The following MYZAP variants were observed in gnomAD, a reference collection of about 807,000 sequenced individuals.
The protein encoded by MYZAP is GRINL1A complex locus upstream.
A neutral mutation model predicts 69.4 loss-of-function variants in MYZAP; 66 were observed. That is an observed-to-expected ratio of 0.95 (90% confidence interval 0.78 to 1.17). MYZAP has a LOEUF of 1.17. MYZAP is among the 50% of genes most tolerant of loss of function. The probability of loss-of-function intolerance (pLI) is 0.00; values close to 1 mark genes in which losing one functional copy is unlikely to be tolerated. For missense variants in MYZAP, 611 were observed against 556.2 expected, an observed-to-expected ratio of 1.10 and a Z score of -0.99; for synonymous variants, 256 against 205.9, an observed-to-expected ratio of 1.24 and a Z score of -2.09.
At chr15:57,607,290 G>A (rs532313062) in intron 2 of MYZAP, among the ~76,000 whole-genome samples, 1 of 152,266 alleles carries the variant, frequency 6.6e-6, no homozygotes, top group Admixed American at 6.5e-5. Flanking sequence ...AACTGGGGTG[G>A]TAGGGGCTGG....
intron 2 of MYZAP, among the ~76,000 whole-genome samples, chr15:57,616,953 T>C (rs1324050425): frequency 3.3e-5 from 5 of 150,580 alleles, no homozygotes; most frequent in African/African-American, 1.2e-4. Context: ...ATTGTCGAGG[T>C]ACCTGGGTCA....
At chr15:57,595,061 A>T (rs1349057935) in intron 1 of MYZAP, among the ~76,000 whole-genome samples, 1 of 152,208 alleles carries the variant, frequency 6.6e-6, no homozygotes, top group Non-Finnish European at 1.5e-5. Flanking sequence ...GTGACAGCTG[A>T]CACTGAGCAG....
At chr15:57,630,222 C>G (rs1425244914) in intron 6 of MYZAP, among the ~76,000 whole-genome samples, 4 of 152,206 alleles carry the variant, frequency 2.6e-5, no homozygotes, top group African/African-American at 9.6e-5. Context: ...CCTGCCTTGG[C>G]CTCCCAAAGT....
intron 2 of MYZAP, among the ~76,000 whole-genome samples, chr15:57,611,551 C>T (rs74365336): frequency 0.08 from 12,145 of 152,054 alleles, 579 homozygotes; most frequent in Admixed American, 0.13. Context: ...TGTGCACTAG[C>T]GGTACGCTAG....
At chr15:57,629,970 G>GTTTT (rs1567216271) in intron 6 of MYZAP, 116 bp downstream of exon 6, 9 of 863,520 alleles carry the variant, frequency 1.0e-5, no homozygotes, top group African/African-American at 2.8e-5. Flanking sequence ...TTCTTCATTG[G>GTTTT]ATTTTTTTTT....
chr15:57,683,671 G>T (rs1465439641), intron 12 of MYZAP, among the ~76,000 whole-genome samples: 2 of 152,158 alleles, frequency 1.3e-5, no homozygotes, highest in East Asian at 3.9e-4. Flanking sequence ...TGAAGGCTGG[G>T]ATGTCTAAGA....
intron 3 of MYZAP, among the ~76,000 whole-genome samples, chr15:57,620,598 C>G (rs2035745601): frequency 6.6e-6 from 1 of 152,342 alleles, no homozygotes; most frequent in African/African-American, 2.4e-5. Context: ...TTTGTGTAAA[C>G]AAGTGTTTTT....
intron 4 of MYZAP, 75 bp from the exon 5 acceptor site, chr15:57,625,704 A>G: frequency 1.4e-6 from 2 of 1,381,980 alleles, no homozygotes; most frequent in African/African-American, 1.4e-5. Context: ...AACAGAAGAA[A>G]GTTCCAGCCT....
In MYZAP at chr15:57,616,839, T is replaced by TTTTTTTTTTTTC. The variant is rs1448918349; in HGVS notation, c.163-1186_163-1185insTTTCTTTTTTTT. On this transcript the variant is annotated intron_variant, in intron 2 of 12. Coordinates refer to ENST00000267853, the MANE Select transcript of MYZAP (RefSeq NM_001018100.5). ...AAAAAGTGCTTTTTTTTTTTTTTTT[T>TTTTTTTTTTTTC]TTTTTTTTGTGAATACATGGCAAGA... is the stretch of plus-strand genomic sequence containing the variant. Among the ~76,000 whole-genome samples the TTTTTTTTTTTTC allele has an allele frequency of 2.9e-5, 4 of 140,264 alleles. 1 individual carries two copies. Among genetic ancestry groups the TTTTTTTTTTTTC allele is most frequent in the African/African-American group, 1.1e-4 (4 of 36,704 alleles). The allele number at this position is 140,264 out of a possible 152,430, so 92.0% of individuals were successfully genotyped here.
intron 1 of MYZAP, among the ~76,000 whole-genome samples, chr15:57,601,059 G>C (rs112678312): frequency 0.019 from 2,836 of 152,232 alleles, 90 homozygotes; most frequent in African/African-American, 0.061. Flanking sequence ...CTGGGCGACA[G>C]AGCAAGACCC....
chr15:57,652,540 T>G (rs1308473221), intron 10 of MYZAP, among the ~76,000 whole-genome samples: 2 of 152,226 alleles, frequency 1.3e-5, no homozygotes, highest in African/African-American at 4.8e-5. Context: ...TAAAACACTT[T>G]TTCTGAGGAA....
chr15:57,592,245 C>G (rs1389311909), intron 1 of MYZAP, 136 bp downstream of exon 1: 3 of 788,154 alleles, frequency 3.8e-6, no homozygotes, highest in African/African-American at 3.6e-5. Context: ...ACTCCCCGGT[C>G]CTGTGCCGGC....
chr15:57,596,432 A>G (rs917178224), intron 1 of MYZAP, among the ~76,000 whole-genome samples: 1 of 152,214 alleles, frequency 6.6e-6, no homozygotes, highest in Non-Finnish European at 1.5e-5. Flanking sequence ...GATACTTCTC[A>G]GCACTCATCA....
At chr15:57,633,580 G>A (rs758679982) in intron 7 of MYZAP, 33 bp from the exon 8 acceptor site, 7 of 1,599,688 alleles carry the variant, frequency 4.4e-6, no homozygotes, top group Admixed American at 1.7e-5. Flanking sequence ...GGTACTCCAT[G>A]CCTGTACTTA....
chr15:57,684,770 C>G lies in MYZAP; in HGVS notation c.*272C>G. Reference sequence around the variant, plus strand: ...TTGTTTTCTTTGTAGACACTGAAATCCTATCAGGAGGATTCCTTCACAATG... The same window carrying G: ...TTGTTTTCTTTGTAGACACTGAAATGCTATCAGGAGGATTCCTTCACAATG... On this transcript the variant is annotated 3_prime_UTR_variant, in exon 13 of 13. Coordinates refer to ENST00000267853, the MANE Select transcript of MYZAP (RefSeq NM_001018100.5). The G allele has an allele frequency of 3.6e-6, 1 of 277,980 alleles. No homozygotes were observed. Among genetic ancestry groups the G allele is most frequent in the Non-Finnish European group, 6.7e-6 (1 of 150,240 alleles). 17.2% of individuals were successfully genotyped at this position (277,980 alleles called of 1,614,324 possible).
rs537378113 is a variant in MYZAP at position 57,625,055 on chromosome 15, C to CTTT, written c.412-711_412-709dup. Among the ~76,000 whole-genome samples the CTTT allele has an allele frequency of 9.5e-4, 137 of 143,602 alleles. 1 individual carries two copies. The highest frequency in any genetic ancestry group is 2.8e-3 in the African/African-American group (108 of 38,974). 94.2% of individuals were successfully genotyped at this position (143,602 alleles called of 152,430 possible). ...CAACAACAGCAGCAACAAAACAACT[C>CTTT]TTTTTTTTTTTTTTTAAATGAGACG... On this transcript the variant is annotated intron_variant, in intron 4 of 12. Coordinates refer to ENST00000267853, the MANE Select transcript of MYZAP (RefSeq NM_001018100.5).
intron 9 of MYZAP, 59 bp from the exon 10 acceptor site, chr15:57,639,381 C>G: frequency 4.5e-6 from 7 of 1,558,482 alleles, no homozygotes; most frequent in Non-Finnish European, 2.6e-6. Flanking sequence ...GTGACTGTTG[C>G]TACTGCTGTT....
At chr15:57,593,213 C>CAG (rs2033832055) in intron 1 of MYZAP, among the ~76,000 whole-genome samples, 3 of 150,926 alleles carry the variant, frequency 2.0e-5, no homozygotes, top group Admixed American at 2.0e-4. Flanking sequence ...CACACACACA[C>CAG]ACCCCAGAAT....
intron 2 of MYZAP, among the ~76,000 whole-genome samples, chr15:57,607,343 A>G (rs1483800705): frequency 1.3e-5 from 2 of 152,180 alleles, no homozygotes; most frequent in African/African-American, 2.4e-5. Context: ...GAATCAAGTA[A>G]TCCCAAGGAA....
Sources: gnomAD v4.1 joint callset for allele counts (sites outside exome capture counted in the v4.1 genomes callset) on GRCh38, gnomAD v4.1.1 for gene constraint, MANE v1.5 for transcripts, NCBI Gene and HGNC (gene_info 2026-07-23, HGNC 2026-07-21) for gene names.